RNF220: variants seen among roughly 807,000 people sequenced by gnomAD.
RNF220 encodes the protein ring finger protein 220.
RNF220 carries 7 observed loss-of-function variants against 67.1 expected under a neutral mutation model. The ratio of observed to expected loss-of-function variants is 0.10; its 90% CI spans 0.06 to 0.20. RNF220 has a LOEUF of 0.20. RNF220 is among the 10% of genes least tolerant of loss of function. The pLI, the probability that RNF220 is intolerant of heterozygous loss-of-function variation, is 1.00. For missense variants in RNF220, 565 were observed against 740.3 expected, an observed-to-expected ratio of 0.76 and a Z score of 2.75; for synonymous variants, 270 against 283.2, an observed-to-expected ratio of 0.95 and a Z score of 0.47.
At chr1:44,492,400 C>T (rs1393994214) in intron 2 of RNF220, among the ~76,000 whole-genome samples, 1 of 152,198 alleles carries the variant, frequency 6.6e-6, no homozygotes, top group East Asian at 1.9e-4. Context: ...TTTGTCCCAG[C>T]AATTCCACTC....
intron 2 of RNF220, among the ~76,000 whole-genome samples, chr1:44,580,030 C>CAAAAAAAAAAAA (rs61499825): frequency 2.9e-4 from 19 of 65,250 alleles, no homozygotes; most frequent in South Asian, 5.7e-4. Flanking sequence ...CCCTGTCTCA[C>CAAAAAAAAAAAA]AAAAAAAAAA....
rs1648642335 is a variant in RNF220 at position 44,417,334 on chromosome 1, C to T, written c.625+4612C>T. ...TTCACTCCCAACACAGTCATGGAGACTCTTTTTCATGCTGCTGGGTTTAAT... is the reference window on the plus strand; with the variant it reads ...TTCACTCCCAACACAGTCATGGAGATTCTTTTTCATGCTGCTGGGTTTAAT... On this transcript the variant is annotated intron_variant, in intron 2 of 14. Transcript: ENST00000361799. The surrounding 1 kb of genome is among the most constrained non-coding windows in gnomAD (Gnocchi z 4.0). 6.6e-6 allele frequency among the ~76,000 whole-genome samples: 1 copy of T among 150,632 alleles called. No homozygotes were observed. The highest frequency in any genetic ancestry group is 6.6e-5 in the Admixed American group (1 of 15,114).
intron 2 of RNF220, among the ~76,000 whole-genome samples, chr1:44,450,038 T>C (rs946536379): frequency 6.6e-6 from 1 of 152,228 alleles, no homozygotes; most frequent in Admixed American, 6.5e-5. Flanking sequence ...AGAGAGACCC[T>C]GTCTCTACTA....
intron 3 of RNF220, among the ~76,000 whole-genome samples, chr1:44,615,231 C>T (rs1454865942): frequency 6.6e-6 from 1 of 152,136 alleles, no homozygotes; most frequent in African/African-American, 2.4e-5. Context: ...ATGTTCCAGC[C>T]AACGAGATGG....
rs937742034 is a variant in RNF220 at position 44,621,974 on chromosome 1, G to A, written c.759-768G>A. The stretch of plus-strand genomic sequence containing the variant: ...GTAGTGGGGGCAGCAGGCAGGGAGG[G>A]ACAGGAACAGGGATATTAATGTTTC... On this transcript the variant is annotated intron_variant, in intron 3 of 14. Coordinates refer to ENST00000361799, the MANE Select transcript of RNF220 (RefSeq NM_018150.4). This position sits in a 1 kb window ranked among gnomAD's most constrained non-coding sequence, Gnocchi z 4.8. Among the ~76,000 whole-genome samples, 4 of 152,188 alleles carry A rather than the reference G, an allele frequency of 2.6e-5. No homozygotes were observed. Among genetic ancestry groups the A allele is most frequent in the Non-Finnish European group, 5.9e-5 (4 of 68,026 alleles).
intron 2 of RNF220, among the ~76,000 whole-genome samples, chr1:44,471,686 G>A (rs929566784): frequency 2.0e-5 from 3 of 151,954 alleles, no homozygotes; most frequent in African/African-American, 7.3e-5. Flanking sequence ...TTGGCTGGGC[G>A]TGGTGGCACA....
In RNF220 at chr1:44,516,439, T is replaced by A. The variant is rs550161274; in HGVS notation, c.626-97726T>A. On this transcript the variant is annotated intron_variant, in intron 2 of 14. Coordinates refer to ENST00000361799, the MANE Select transcript of RNF220 (RefSeq NM_018150.4). ...GCAGCCAAAGAGCAAAGGAAAGGTG[T>A]TCCCAGCAAAGGACATGGCATGATA... is the stretch of plus-strand genomic sequence containing the variant. Among the ~76,000 whole-genome samples, 7 of 152,290 alleles carry A rather than the reference T, an allele frequency of 4.6e-5. No individual in the cohort carries two copies. In the East Asian group the frequency reaches 9.6e-4, roughly 21 times the overall value.
intron 2 of RNF220, among the ~76,000 whole-genome samples, chr1:44,416,642 G>A (rs1000278837): frequency 6.6e-6 from 1 of 152,246 alleles, no homozygotes; most frequent in African/African-American, 2.4e-5. Context: ...GCCCAGAACT[G>A]CCCGCGTGGA....
chr1:44,535,139 T>C (rs1321230986), intron 2 of RNF220, among the ~76,000 whole-genome samples: 5 of 143,638 alleles, frequency 3.5e-5, no homozygotes, highest in African/African-American at 1.3e-4. Flanking sequence ...CTTCTTCTTT[T>C]TTTTTTTTTT....
At chr1:44,549,598 C>G (rs1436193213) in intron 2 of RNF220, among the ~76,000 whole-genome samples, 1 of 152,220 alleles carries the variant, frequency 6.6e-6, no homozygotes, top group African/African-American at 2.4e-5. Context: ...GATGTCTCTT[C>G]CCTCCCAGTT....
intron 5 of RNF220, among the ~76,000 whole-genome samples, chr1:44,629,414 AT>A (rs1252055571): frequency 2.6e-5 from 4 of 152,264 alleles, no homozygotes; most frequent in African/African-American, 7.2e-5. Context: ...ACCTTGTCTT[AT>A]CCTTCCTTTA....
At chr1:44,582,756 C>CAAAAAAAA (rs1052505002) in intron 2 of RNF220, among the ~76,000 whole-genome samples, 1 of 68,550 alleles carries the variant, frequency 1.5e-5, no homozygotes, top group African/African-American at 5.7e-5. Context: ...GACTACATCT[C>CAAAAAAAA]AAAAAAAAAA....
At chr1:44,433,806 T>C (rs2147874946) in intron 2 of RNF220, among the ~76,000 whole-genome samples, 1 of 152,080 alleles carries the variant, frequency 6.6e-6, no homozygotes, top group Non-Finnish European at 1.5e-5. Context: ...CTACTAAAAA[T>C]ACAAACATTA....
intron 2 of RNF220, among the ~76,000 whole-genome samples, chr1:44,487,519 C>G (rs942541524): frequency 2.7e-5 from 4 of 150,908 alleles, no homozygotes; most frequent in Admixed American, 6.6e-5. Flanking sequence ...CCTGGGCATC[C>G]TTGTTTGTTT....
At chr1:44,410,993 G>A (rs1244215192) in intron 1 of RNF220, among the ~76,000 whole-genome samples, 8 of 152,158 alleles carry the variant, frequency 5.3e-5, no homozygotes, top group Non-Finnish European at 1.5e-5. Flanking sequence ...AATTTGTTCC[G>A]GGGGCCTTTA....
At chr1:44,446,774 A>T (rs574882346) in intron 2 of RNF220, among the ~76,000 whole-genome samples, 15 of 151,974 alleles carry the variant, frequency 9.9e-5, no homozygotes, top group African/African-American at 3.6e-4. Context: ...GGCCAGGCTG[A>T]TCTCAAACTC....
At chr1:44,566,476 G>A (rs1321803197) in intron 2 of RNF220, among the ~76,000 whole-genome samples, 1 of 148,202 alleles carries the variant, frequency 6.7e-6, no homozygotes, top group Non-Finnish European at 1.5e-5. Context: ...TGGAGCTGGG[G>A]GTCTCCATCC....
chr1:44,445,188 C>T lies in RNF220; in HGVS notation c.625+32466C>T, dbSNP rs532023515. ...TGAAGTGCCTGTTCAATGTTTTGTT[C>T]ATTTTTCTGTTGGGTTGTCTCTTTC... On this transcript the variant is annotated intron_variant, in intron 2 of 14. Coordinates refer to ENST00000361799, the MANE Select transcript of RNF220 (RefSeq NM_018150.4). Among the ~76,000 whole-genome samples the T allele has an allele frequency of 2.6e-5, 4 of 152,202 alleles. No homozygotes were observed. The East Asian group carries it at 7.7e-4, about 29-fold the overall frequency.
At chr1:44,627,179 T>A (rs1345198921) in intron 5 of RNF220, 1 of 149,260 alleles carries the variant, frequency 6.7e-6, no homozygotes. Context: ...ACCCCATCTC[T>A]ACTAAAAATA....
Sources: allele counts gnomAD v4.1 joint callset (sites outside exome capture counted in the v4.1 genomes callset), GRCh38; gene constraint gnomAD v4.1.1; non-coding constraint Gnocchi (gnomAD v3.1); transcripts MANE v1.5; gene names NCBI Gene and HGNC (gene_info 2026-07-23, HGNC 2026-07-21).